The following KLHL13 variants were observed in gnomAD, a reference collection of about 807,000 sequenced individuals.
KLHL13 encodes the protein kelch like family member 13.
Under a neutral mutation model 37.1 loss-of-function variants are expected in KLHL13, and 10 were observed. That is an observed-to-expected ratio of 0.27 (90% CI 0.17 to 0.46). KLHL13 has a LOEUF of 0.46. Ranked by LOEUF, KLHL13 falls within the 20% of genes least tolerant of loss-of-function variation. KLHL13 has a pLI of 1.00. For missense variants in KLHL13, 360 were observed against 509.3 expected, an observed-to-expected ratio of 0.71 and a Z score of 2.82; for synonymous variants, 163 against 181.2, an observed-to-expected ratio of 0.90 and a Z score of 0.81.
chrX:118,014,890 G>C (rs2054111201), intron 1 of KLHL13, among the ~76,000 whole-genome samples: 1 of 112,045 alleles, frequency 8.9e-6, no homozygotes, highest in African/African-American at 3.3e-5. Context: ...ATAACTACAA[G>C]TCTTTACTGA....
chrX:118,029,560 G>A (rs954499133), intron 1 of KLHL13, among the ~76,000 whole-genome samples: 4 of 111,719 alleles, frequency 3.6e-5, no homozygotes, highest in East Asian at 2.8e-4. Flanking sequence ...TATTCTATTC[G>A]TTTCAGATAT....
intron 2 of KLHL13, among the ~76,000 whole-genome samples, chrX:117,928,994 T>C (rs915957348): frequency 8.9e-6 from 1 of 111,741 alleles, no homozygotes; most frequent in Non-Finnish European, 1.9e-5. Context: ...CCAGGATGAA[T>C]AGAAGTGGCA....
chrX:118,061,025 A>C (rs2054734673), intron 1 of KLHL13, among the ~76,000 whole-genome samples: 1 of 111,093 alleles, frequency 9.0e-6, no homozygotes, highest in Non-Finnish European at 1.9e-5. Context: ...ACTTCACCAC[A>C]TTCTGAGATA....
chrX:118,051,312 G>A (rs1398420261), intron 1 of KLHL13, among the ~76,000 whole-genome samples: 3 of 110,505 alleles, frequency 2.7e-5, no homozygotes, highest in Non-Finnish European at 5.7e-5. Flanking sequence ...AGGCTGAGGT[G>A]GGCAGATCAC....
At position 117,938,848 on chromosome X, in the gene KLHL13, A is replaced by AGCT. The variant is rs1932896311; in HGVS notation, c.240+6583_240+6585dup. On this transcript the variant is annotated intron_variant, in intron 2 of 6. Coordinates refer to ENST00000262820, the Ensembl canonical transcript of KLHL13. ...AAATCAACAAGTAAACCATTTACAC[A>AGCT]GCTTTTTTTTGAGCACCTTAAAAAT... is the stretch of plus-strand genomic sequence containing the variant. 1.8e-5 allele frequency among the ~76,000 whole-genome samples: 2 copies of AGCT among 111,304 alleles called. 1 individual carries two copies. Among genetic ancestry groups the AGCT allele is most frequent in the South Asian group, 7.6e-4 (2 of 2,640 alleles).
chrX:118,051,505 C>A (rs1345984799), intron 1 of KLHL13, among the ~76,000 whole-genome samples: 1 of 110,340 alleles, frequency 9.1e-6, no homozygotes, highest in East Asian at 2.8e-4. Context: ...TGCACCACTG[C>A]ACTCCAGCCT....
intron 1 of KLHL13, among the ~76,000 whole-genome samples, chrX:118,059,963 T>C (rs1313876490): frequency 8.9e-6 from 1 of 112,065 alleles, no homozygotes; most frequent in Non-Finnish European, 1.9e-5. Flanking sequence ...CACTTAGCAT[T>C]ACTCATAAAT....
At chrX:117,918,975 T>C (rs1171943608) in intron 4 of KLHL13, among the ~76,000 whole-genome samples, 2 of 112,113 alleles carry the variant, frequency 1.8e-5, no homozygotes, top group South Asian at 3.8e-4. Context: ...TTAAAGTATA[T>C]ATCTTCATCA....
At chrX:118,073,929 C>G (rs956935423) in intron 1 of KLHL13, among the ~76,000 whole-genome samples, 15 of 111,811 alleles carry the variant, frequency 1.3e-4, no homozygotes, top group Non-Finnish European at 3.8e-5. Context: ...ATTTTATTAT[C>G]TTCCTACCCT....
intron 1 of KLHL13, chrX:117,983,382 T>G (rs780930125): frequency 3.4e-4 from 163 of 480,702 alleles, no homozygotes; most frequent in Non-Finnish European, 4.8e-4. Context: ...TAACTATACT[T>G]GATAACTGTC....
At chrX:117,937,272 A>T (rs1932794210) in intron 2 of KLHL13, among the ~76,000 whole-genome samples, 1 of 112,368 alleles carries the variant, frequency 8.9e-6, no homozygotes, top group Non-Finnish European at 1.9e-5. Context: ...AATTTTTAAT[A>T]GACTTTTAAA....
intron 1 of KLHL13, among the ~76,000 whole-genome samples, chrX:118,021,310 T>A (rs1213609421): frequency 1.9e-5 from 2 of 105,605 alleles, no homozygotes; most frequent in Non-Finnish European, 3.9e-5. Flanking sequence ...TACATATGTA[T>A]ACATGTGCCA....
intron 5 of KLHL13, among the ~76,000 whole-genome samples, chrX:117,906,708 T>G: frequency 9.0e-6 from 1 of 111,498 alleles, no homozygotes. Flanking sequence ...ACAGAATGCG[T>G]TTGATGGGTA....
intron 1 of KLHL13, among the ~76,000 whole-genome samples, chrX:117,949,092 G>C (rs1933461734): frequency 8.9e-6 from 1 of 112,266 alleles, no homozygotes; most frequent in Non-Finnish European, 1.9e-5. Context: ...AATTCACAAA[G>C]ATCAAGGTGC....
At chrX:118,018,372 G>T (rs1010966699) in intron 1 of KLHL13, among the ~76,000 whole-genome samples, 1 of 111,617 alleles carries the variant, frequency 9.0e-6, no homozygotes, top group African/African-American at 3.2e-5. Flanking sequence ...ACAATGTTTA[G>T]TTCTTACCAA....
chrX:117,949,051 G>A (rs928746435), intron 1 of KLHL13, among the ~76,000 whole-genome samples: 2 of 111,919 alleles, frequency 1.8e-5, no homozygotes, highest in African/African-American at 3.2e-5. Context: ...AAAATTACCC[G>A]AACGGAAACA....
chrX:118,055,934 G>T (rs1435589438), intron 1 of KLHL13, among the ~76,000 whole-genome samples: 1 of 110,954 alleles, frequency 9.0e-6, no homozygotes, highest in Non-Finnish European at 1.9e-5. Context: ...ACCAAGAAAA[G>T]GAAATGAAAT....
intron 1 of KLHL13, among the ~76,000 whole-genome samples, chrX:118,106,735 A>G (rs1453079472): frequency 8.9e-6 from 1 of 111,979 alleles, no homozygotes. Flanking sequence ...AAAGGGCATC[A>G]TGTAAGAAAG....
intron 1 of KLHL13, among the ~76,000 whole-genome samples, chrX:118,066,192 T>C (rs2054792246): frequency 8.9e-6 from 1 of 112,093 alleles, no homozygotes; most frequent in Admixed American, 9.5e-5. Flanking sequence ...GACAAGTGTT[T>C]ATTTTTAATG....
Sources: gnomAD v4.1 joint callset for allele counts (sites outside exome capture counted in the v4.1 genomes callset) on GRCh38, gnomAD v4.1.1 for gene constraint, MANE v1.5 for transcripts, NCBI Gene and HGNC (gene_info 2026-07-23, HGNC 2026-07-21) for gene names.